The following TTC27 variants were observed in gnomAD, a reference collection of about 807,000 sequenced individuals.
TTC27 encodes the protein tetratricopeptide repeat protein 27.
Under a neutral mutation model 115.9 loss-of-function variants are expected in TTC27, and 79 were observed. The observed-to-expected ratio is 0.68, with a 90% CI of 0.57 to 0.82. TTC27 has a LOEUF of 0.82. Ranked by LOEUF, TTC27 falls within the 40% of genes least tolerant of loss-of-function variation. TTC27 has a pLI of 0.00. For missense variants in TTC27, 1,054 were observed against 993.1 expected, an observed-to-expected ratio of 1.06 and a Z score of -0.82; for synonymous variants, 401 against 356.0, an observed-to-expected ratio of 1.13 and a Z score of -1.42.
chr2:32,732,591 T>C (rs1041286922), intron 10 of TTC27, among the ~76,000 whole-genome samples: 1 of 152,204 alleles, frequency 6.6e-6, no homozygotes, highest in Non-Finnish European at 1.5e-5. Context: ...CTCCCTTTTT[T>C]ACTATTTTTT....
chr2:32,797,893 G>A (rs1670765270), intron 16 of TTC27, among the ~76,000 whole-genome samples: 1 of 152,062 alleles, frequency 6.6e-6, no homozygotes, highest in Non-Finnish European at 1.5e-5. Flanking sequence ...AGAATATATA[G>A]AGGACTTCTA....
intron 12 of TTC27, among the ~76,000 whole-genome samples, chr2:32,742,544 A>G (rs1232935928): frequency 6.6e-6 from 1 of 152,212 alleles, no homozygotes; most frequent in Non-Finnish European, 1.5e-5. Flanking sequence ...CACTACACAG[A>G]AGTGTAGCTG....
Position 32,660,326 on chromosome 2 carries a change from G to C in TTC27, c.641-3977G>C, listed in dbSNP as rs143757921. Reference sequence around the variant, plus strand: ...TCATAAATGTCTTTTGTTGAGAAATGTCTGCTCATATCTTTCAACCCAAAT... The same window carrying C: ...TCATAAATGTCTTTTGTTGAGAAATCTCTGCTCATATCTTTCAACCCAAAT... On this transcript the variant is annotated intron_variant, in intron 5 of 19. Coordinates refer to ENST00000317907, the MANE Select transcript of TTC27 (RefSeq NM_017735.5). Among the ~76,000 whole-genome samples, 14 of 152,094 alleles carry C rather than the reference G, an allele frequency of 9.2e-5. No individual in the cohort carries two copies. The South Asian group carries it at 2.9e-3, about 32-fold the overall frequency.
chr2:32,732,917 T>A (rs1235207534), intron 10 of TTC27, among the ~76,000 whole-genome samples: 2 of 152,208 alleles, frequency 1.3e-5, no homozygotes, highest in African/African-American at 4.8e-5. Context: ...ATGATAATTC[T>A]CAGTTGAGAG....
intron 13 of TTC27, among the ~76,000 whole-genome samples, chr2:32,774,395 G>A (rs901169706): frequency 1.3e-5 from 2 of 151,942 alleles, no homozygotes; most frequent in Non-Finnish European, 2.9e-5. Context: ...GGCTGGTCTT[G>A]AACTCCTGAC....
chr2:32,658,265 G>A (rs1572484482), intron 5 of TTC27, among the ~76,000 whole-genome samples: 1 of 152,248 alleles, frequency 6.6e-6, no homozygotes, highest in Non-Finnish European at 1.5e-5. Flanking sequence ...TGGGACTACA[G>A]GAGCGTATTA....
intron 10 of TTC27, among the ~76,000 whole-genome samples, chr2:32,725,824 A>C (rs1176479197): frequency 6.6e-6 from 1 of 152,188 alleles, no homozygotes; most frequent in Non-Finnish European, 1.5e-5. Flanking sequence ...CCCTGCAGCA[A>C]ACTTCTGCCT....
intron 16 of TTC27, among the ~76,000 whole-genome samples, chr2:32,805,015 C>G (rs1417053935): frequency 3.5e-4 from 53 of 152,084 alleles, no homozygotes; most frequent in Admixed American, 3.4e-3. Flanking sequence ...AGAAACCTTT[C>G]CAATGTAAAA....
intron 13 of TTC27, among the ~76,000 whole-genome samples, chr2:32,774,835 A>G (rs1669941749): frequency 6.6e-6 from 1 of 152,220 alleles, no homozygotes. Context: ...TGCAAAGCTC[A>G]TTTCCCTTCT....
chr2:32,630,158 G>A (rs1664119739), intron 1 of TTC27, among the ~76,000 whole-genome samples: 1 of 152,178 alleles, frequency 6.6e-6, no homozygotes. Context: ...AATAATGGAG[G>A]TAGAAAGAAC....
At chr2:32,657,881 G>A (rs1283196822) in intron 5 of TTC27, among the ~76,000 whole-genome samples, 1 of 152,100 alleles carries the variant, frequency 6.6e-6, no homozygotes, top group Non-Finnish European at 1.5e-5. Flanking sequence ...TCAGGCTGGA[G>A]TGCAATGGCA....
At chr2:32,683,609 A>C (rs1270077311) in intron 9 of TTC27, among the ~76,000 whole-genome samples, 2 of 152,198 alleles carry the variant, frequency 1.3e-5, no homozygotes, top group Non-Finnish European at 2.9e-5. Context: ...GGTTGCTGTT[A>C]TGTGATGCTA....
At chr2:32,804,155 C>T (rs895864718) in intron 16 of TTC27, among the ~76,000 whole-genome samples, 1 of 151,938 alleles carries the variant, frequency 6.6e-6, no homozygotes, top group Non-Finnish European at 1.5e-5. Context: ...GCTGTATATA[C>T]CTTTTGTAGA....
chr2:32,789,200 C>A (rs773310518), intron 16 of TTC27, among the ~76,000 whole-genome samples: 1 of 152,128 alleles, frequency 6.6e-6, no homozygotes. Flanking sequence ...TTTTAGTTAA[C>A]TTAGATGAAT....
rs1350487177 is a variant in TTC27 at position 32,758,231 on chromosome 2, C to CT, written c.1453-60dup. On this transcript the variant is annotated intron_variant, in intron 12 of 19. Transcript: ENST00000317907. ...GTGTGAGATTAAAGATGTATATGTG[C>CT]TAAAAAAAAAAATAGCAGTTAATCA... The CT allele has an allele frequency of 3.1e-5, 43 of 1,403,174 alleles. No individual in the cohort carries two copies. In the East Asian group the frequency reaches 7.1e-4, roughly 23 times the overall value. 86.9% of individuals were successfully genotyped at this position (1,403,174 alleles called of 1,614,324 possible).
At chr2:32,717,408 C>T (rs1412186684) in intron 10 of TTC27, among the ~76,000 whole-genome samples, 2 of 152,182 alleles carry the variant, frequency 1.3e-5, no homozygotes, top group Non-Finnish European at 2.9e-5. Flanking sequence ...TGCTCCGTGT[C>T]TAAGTGTTTG....
At chr2:32,634,965 A>T (rs1664358060) in intron 3 of TTC27, among the ~76,000 whole-genome samples, 1 of 152,122 alleles carries the variant, frequency 6.6e-6, no homozygotes, top group Admixed American at 6.6e-5. Context: ...CTTGCAGGTA[A>T]GTTTTGATAC....
At chr2:32,695,229 T>A (rs1666943579) in intron 9 of TTC27, among the ~76,000 whole-genome samples, 1 of 152,104 alleles carries the variant, frequency 6.6e-6, no homozygotes, top group East Asian at 1.9e-4. Context: ...ACCATTCTAC[T>A]TTCTAGCCCT....
At chr2:32,654,757 G>A (rs914017797) in intron 5 of TTC27, among the ~76,000 whole-genome samples, 6 of 150,904 alleles carry the variant, frequency 4.0e-5, no homozygotes, top group African/African-American at 1.5e-4. Context: ...GTGTAATGGC[G>A]TGATCTTGGC....
Sources: allele counts gnomAD v4.1 joint callset (sites outside exome capture counted in the v4.1 genomes callset), GRCh38; gene constraint gnomAD v4.1.1; transcripts MANE v1.5; gene names NCBI Gene and HGNC (gene_info 2026-07-23, HGNC 2026-07-21).